Variants in STAG2 observed in about 807,000 individuals in gnomAD.
The protein encoded by STAG2 is cohesin subunit SA-2.
A neutral mutation model predicts 108.1 loss-of-function variants in STAG2; 14 were observed. The observed-to-expected ratio is 0.13, with a 90% confidence interval of 0.09 to 0.20. The LOEUF is 0.20. Among genes scored for constraint, STAG2 ranks in the 10% least tolerant of loss-of-function variants. STAG2 has a pLI of 1.00. For synonymous variants in STAG2, 307 were observed against 302.7 expected, an observed-to-expected ratio of 1.01 and a Z score of -0.15; for missense variants, 440 against 940.9, an observed-to-expected ratio of 0.47 and a Z score of 6.96.
chrX:124,031,290 T>TAA (rs1433713984), intron 5 of STAG2, among the ~76,000 whole-genome samples, 165 bp downstream of exon 5: 2 of 112,380 alleles, frequency 1.8e-5, no homozygotes, highest in African/African-American at 6.4e-5. Context: ...TCTTCATATA[T>TAA]AAGACTTTTG....
intron 1 of STAG2, among the ~76,000 whole-genome samples, chrX:123,991,263 G>T (rs1413273528): frequency 1.8e-5 from 2 of 112,153 alleles, no homozygotes; most frequent in Non-Finnish European, 1.9e-5. Context: ...CCCATTTGTG[G>T]ATTCAGCCAG....
At chrX:124,081,629 C>T in intron 28 of STAG2, 101 bp downstream of exon 28, 1 of 660,422 alleles carries the variant, frequency 1.5e-6, no homozygotes, top group Non-Finnish European at 2.2e-6. Context: ...TAAATTTATG[C>T]TTTATTATTA....
chrX:124,042,727 A>AC, intron 7 of STAG2, 82 bp downstream of exon 7: 1 of 744,366 alleles, frequency 1.3e-6, no homozygotes, highest in Non-Finnish European at 2.0e-6. Context: ...AATTGTAAGC[A>AC]TTAGGCTGGG....
intron 8 of STAG2, among the ~76,000 whole-genome samples, chrX:124,046,061 AGGTAAAATT>A (rs1234442072): frequency 8.9e-6 from 1 of 111,809 alleles, no homozygotes; most frequent in Non-Finnish European, 1.9e-5. Context: ...TTTGTGCTTA[AGGTAAAATT>A]GGTGATACAC....
intron 1 of STAG2, among the ~76,000 whole-genome samples, chrX:123,966,024 T>G (rs1267661705): frequency 9.1e-6 from 1 of 110,405 alleles, no homozygotes; most frequent in African/African-American, 3.3e-5. Context: ...TAAACTAAAA[T>G]GTACAGTTTA....
intron 17 of STAG2, among the ~76,000 whole-genome samples, chrX:124,062,285 A>T (rs1301437660): frequency 8.9e-6 from 1 of 112,170 alleles, no homozygotes; most frequent in African/African-American, 3.2e-5. Flanking sequence ...AGTTTACATG[A>T]ACTTGCATTT....
chrX:124,064,963 T>TA (rs1363756470), intron 20 of STAG2, among the ~76,000 whole-genome samples: 1 of 111,660 alleles, frequency 9.0e-6, no homozygotes, highest in Non-Finnish European at 1.9e-5. Flanking sequence ...TTAATGCCAT[T>TA]AGCCTTTTCC....
chrX:124,044,163 TTA>T (rs1172901668), intron 7 of STAG2, among the ~76,000 whole-genome samples: 1 of 111,124 alleles, frequency 9.0e-6, no homozygotes, highest in African/African-American at 3.3e-5. Flanking sequence ...TTTTACCCTT[TTA>T]ATATTGAATG....
intron 1 of STAG2, among the ~76,000 whole-genome samples, chrX:123,986,593 T>C (rs1357684077): frequency 8.9e-6 from 1 of 111,796 alleles, no homozygotes; most frequent in African/African-American, 3.2e-5. Context: ...TTTACTAATC[T>C]GTAAAATGGG....
At chrX:123,960,636 A>AAAAAAAAG, upstream of STAG2, 1 of 103,492 alleles carries the variant, frequency 9.7e-6, no homozygotes, top group Non-Finnish European at 1.9e-5. Flanking sequence ...AAAAAAAAAA[A>AAAAAAAAG]AAAAAAAGAA....
intron 1 of STAG2, among the ~76,000 whole-genome samples, chrX:123,977,832 GTTTTTTTTTT>G (rs35569156): frequency 1.0e-4 from 4 of 38,557 alleles, no homozygotes; most frequent in South Asian, 3.5e-3. Context: ...GTTCCCAAGT[GTTTTTTTTTT>G]TTTTTTTTTT....
At chrX:123,988,649 G>A (rs746811159) in intron 1 of STAG2, among the ~76,000 whole-genome samples, 1 of 111,322 alleles carries the variant, frequency 9.0e-6, no homozygotes, top group South Asian at 3.7e-4. Context: ...GTTCTTTTCT[G>A]TTTCATTGCT....
At position 124,034,904 on chromosome X, in the gene STAG2, TATC is replaced by T. The variant is rs1556510930; in HGVS notation, c.289-2620_289-2618del. On this transcript the variant is annotated intron_variant, in intron 5 of 34. Coordinates refer to ENST00000371145, the MANE Select transcript of STAG2 (RefSeq NM_001042750.2). ...TTATTATTATTATTATTATTATTAT[TATC>T]ATTATTCGAGACAAGATCTCACTCT... 2.2e-3 allele frequency among the ~76,000 whole-genome samples: 241 copies of T among 107,665 alleles called. 1 individual carries two copies. Among genetic ancestry groups the T allele is most frequent in the African/African-American group, 7.4e-3 (220 of 29,630 alleles). The allele number at this position is 107,665 out of a possible 115,157, so 93.5% of individuals were successfully genotyped here.
At chrX:124,047,281 C>G in intron 8 of STAG2, 73 bp from the exon 9 acceptor site, 2 of 920,464 alleles carry the variant, frequency 2.2e-6, no homozygotes, top group South Asian at 6.1e-5. Context: ...CTTAATATTT[C>G]TATTTGATCT....
chrX:124,015,363 A>C lies in STAG2; in HGVS notation c.-162-6004A>C, dbSNP rs180873107. ...TAGGGAGATTAACAGAGGGAGGACAAATATCTTTTAGGTAAGAAGAATTTC... is the reference window on the plus strand; with the variant it reads ...TAGGGAGATTAACAGAGGGAGGACACATATCTTTTAGGTAAGAAGAATTTC... On this transcript the variant is annotated intron_variant, in intron 1 of 34. Coordinates refer to ENST00000371145, the MANE Select transcript of STAG2 (RefSeq NM_001042750.2). Among the ~76,000 whole-genome samples, 494 of 108,143 alleles carry C rather than the reference A, an allele frequency of 4.6e-3. 2 individuals carry two copies. Among genetic ancestry groups the C allele is most frequent in the Middle Eastern group, 0.023 (5 of 216 alleles). 93.9% of individuals were successfully genotyped at this position (108,143 alleles called of 115,157 possible).
chrX:124,051,622 A>G (rs1465734406), intron 13 of STAG2, among the ~76,000 whole-genome samples: 5 of 106,934 alleles, frequency 4.7e-5, no homozygotes, highest in South Asian at 8.4e-4. Flanking sequence ...ACGGAGTCTC[A>G]CTCTGTCCCC....
At chrX:124,033,694 G>A (rs1300457076) in intron 5 of STAG2, among the ~76,000 whole-genome samples, 1 of 111,657 alleles carries the variant, frequency 9.0e-6, no homozygotes. Flanking sequence ...CCCTGGAGGC[G>A]TAGGTTGCAG....
intron 33 of STAG2, among the ~76,000 whole-genome samples, chrX:124,094,865 G>C (rs1048484743): frequency 4.5e-5 from 5 of 111,470 alleles, no homozygotes; most frequent in Non-Finnish European, 9.4e-5. Context: ...GCCTCGAAAG[G>C]AATATGATTT....
At chrX:124,010,346 C>G (rs181874596) in intron 1 of STAG2, among the ~76,000 whole-genome samples, 107 of 111,553 alleles carry the variant, frequency 9.6e-4, no homozygotes, top group African/African-American at 3.3e-3. Context: ...AATTTGACTA[C>G]TTCAGATACC....
Sources: gnomAD v4.1 joint callset for allele counts (sites outside exome capture counted in the v4.1 genomes callset) on GRCh38, gnomAD v4.1.1 for gene constraint, MANE v1.5 for transcripts, NCBI Gene and HGNC (gene_info 2026-07-23, HGNC 2026-07-21) for gene names.